The following ERBB4 variants were observed in gnomAD, a reference collection of about 807,000 sequenced individuals.
ERBB4 encodes receptor tyrosine-protein kinase erbB-4.
A neutral mutation model predicts 158.0 loss-of-function variants in ERBB4; 42 were observed. That is an observed-to-expected ratio of 0.27 (90% CI 0.21 to 0.34). The LOEUF (loss-of-function observed/expected upper bound fraction) is 0.34. ERBB4 is among the 10% of genes least tolerant of loss of function. The pLI is 1.00. For synonymous variants in ERBB4, 583 were observed against 558.7 expected (o/e 1.04, Z -0.61); for missense variants, 1,333 against 1,624.1 (o/e 0.82, Z 3.08).
chr2:212,357,487 G>C (rs911486794), intron 1 of ERBB4, among the ~76,000 whole-genome samples: 1 of 151,572 alleles, frequency 6.6e-6, no homozygotes, highest in Non-Finnish European at 1.5e-5. Context: ...ATAGGCAAAA[G>C]GTAATTCAGC....
chr2:211,562,241 A>C (rs1007366922), intron 19 of ERBB4, among the ~76,000 whole-genome samples, 153 bp from the exon 20 acceptor site: 4 of 152,254 alleles, frequency 2.6e-5, no homozygotes, highest in Non-Finnish European at 5.9e-5. Flanking sequence ...CAGTTATTCT[A>C]TCTTTAAAGT....
At chr2:212,225,064 A>C (rs1057488196) in intron 1 of ERBB4, among the ~76,000 whole-genome samples, 3 of 151,978 alleles carry the variant, frequency 2.0e-5, no homozygotes, top group African/African-American at 7.2e-5. Flanking sequence ...ATGCCAATCC[A>C]TTTATATTTT....
At chr2:211,510,453 C>T (rs2065858990) in intron 20 of ERBB4, among the ~76,000 whole-genome samples, 1 of 152,012 alleles carries the variant, frequency 6.6e-6, no homozygotes, top group Admixed American at 6.5e-5. Flanking sequence ...GCATGTGTGT[C>T]CCCTGAATCT....
chr2:211,965,792 T>C (rs558869464), intron 2 of ERBB4, among the ~76,000 whole-genome samples: 1 of 152,298 alleles, frequency 6.6e-6, no homozygotes, highest in Admixed American at 6.5e-5. Context: ...TCTATAAACT[T>C]AAAGTTATAT....
intron 1 of ERBB4, among the ~76,000 whole-genome samples, chr2:212,251,558 G>T (rs765556679): frequency 2.6e-5 from 4 of 151,914 alleles, no homozygotes; most frequent in African/African-American, 7.2e-5. Context: ...GTTTTGATTG[G>T]AGGACTTTTG....
chr2:211,938,429 C>T (rs1406181659), intron 3 of ERBB4, among the ~76,000 whole-genome samples: 1 of 152,000 alleles, frequency 6.6e-6, no homozygotes, highest in East Asian at 1.9e-4. Flanking sequence ...AAAGTCTGGT[C>T]CCTTTAGTGC....
intron 5 of ERBB4, among the ~76,000 whole-genome samples, chr2:211,730,085 A>T (rs1273998795): frequency 1.3e-5 from 2 of 151,962 alleles, no homozygotes; most frequent in African/African-American, 4.8e-5. Flanking sequence ...GAGAATGTCT[A>T]TCAAGTCAAA....
intron 15 of ERBB4, among the ~76,000 whole-genome samples, chr2:211,659,628 G>A (rs1184762926): frequency 6.6e-6 from 1 of 151,826 alleles, no homozygotes; most frequent in Admixed American, 6.6e-5. Context: ...ACCCTTGAAA[G>A]ATTAAAAAAA....
intron 1 of ERBB4, among the ~76,000 whole-genome samples, chr2:212,386,235 A>G (rs1433244835): frequency 1.3e-5 from 2 of 151,936 alleles, no homozygotes; most frequent in Non-Finnish European, 2.9e-5. Flanking sequence ...CCAAACTTCT[A>G]TATTTGGCCC....
chr2:211,908,516 AAATCACAGACATAGCTT>A, intron 3 of ERBB4, among the ~76,000 whole-genome samples: 1 of 151,958 alleles, frequency 6.6e-6, no homozygotes, highest in Non-Finnish European at 1.5e-5. Context: ...TAATTAAATA[AAATCACAGACATAGCTT>A]ATTATATATC....
chr2:212,130,801 T>C (rs73987239), intron 1 of ERBB4, among the ~76,000 whole-genome samples: 3,265 of 152,268 alleles, frequency 0.021, 123 homozygotes, highest in African/African-American at 0.075. Context: ...GGGGCTTGTA[T>C]AGTTTTACAA....
chr2:212,393,843 A>G (rs2090948709), intron 1 of ERBB4, among the ~76,000 whole-genome samples: 1 of 152,128 alleles, frequency 6.6e-6, no homozygotes, highest in Non-Finnish European at 1.5e-5. Context: ...CATGTGCCTG[A>G]GTACTAGGCC....
intron 1 of ERBB4, among the ~76,000 whole-genome samples, chr2:212,223,450 C>T (rs2083373241): frequency 6.8e-6 from 1 of 146,736 alleles, no homozygotes; most frequent in African/African-American, 2.5e-5. Flanking sequence ...ATATACATTT[C>T]TTGAAGGTAC....
chr2:212,444,012 G>T (rs1485669487), intron 1 of ERBB4, among the ~76,000 whole-genome samples: 2 of 152,174 alleles, frequency 1.3e-5, no homozygotes, highest in South Asian at 4.1e-4. Context: ...AACGGAAGTG[G>T]TATATACGTG....
intron 2 of ERBB4, among the ~76,000 whole-genome samples, chr2:212,066,745 T>C (rs2077959702): frequency 6.6e-6 from 1 of 151,990 alleles, no homozygotes; most frequent in Admixed American, 6.6e-5. Context: ...TGCTTTAATC[T>C]AACGCGTTTC....
At chr2:211,544,161 G>A (rs2066883466) in intron 20 of ERBB4, among the ~76,000 whole-genome samples, 1 of 152,008 alleles carries the variant, frequency 6.6e-6, no homozygotes, top group African/African-American at 2.4e-5. Flanking sequence ...CTTTTCATAG[G>A]AGGACAATTA....
intron 4 of ERBB4, among the ~76,000 whole-genome samples, chr2:211,768,329 A>G (rs2075607793): frequency 6.6e-6 from 1 of 152,166 alleles, no homozygotes; most frequent in African/African-American, 2.4e-5. Context: ...CCAGGCACAC[A>G]GTGAAGCTGT....
chr2:211,507,874 G>A (rs1269581810), intron 20 of ERBB4, among the ~76,000 whole-genome samples: 1 of 152,106 alleles, frequency 6.6e-6, no homozygotes, highest in African/African-American at 2.4e-5. Flanking sequence ...ACAAAAACAA[G>A]CAATGGAGAA....
At chr2:212,330,238 T>TGTTC (rs2088071309) in intron 1 of ERBB4, among the ~76,000 whole-genome samples, 1 of 151,840 alleles carries the variant, frequency 6.6e-6, no homozygotes. Flanking sequence ...TTTGTTTGTT[T>TGTTC]GTTTTGTTTT....
Sources: gnomAD v4.1 joint callset for allele counts (sites outside exome capture counted in the v4.1 genomes callset) on GRCh38, gnomAD v4.1.1 for gene constraint, MANE v1.5 for transcripts, NCBI Gene and HGNC (gene_info 2026-07-23, HGNC 2026-07-21) for gene names.